The following PRDM1 variants were observed in gnomAD, a reference collection of about 807,000 sequenced individuals.
PRDM1 encodes PR domain zinc finger protein 1.
Under a neutral mutation model 62.8 loss-of-function variants are expected in PRDM1, and 13 were observed. The observed-to-expected ratio is 0.21, with a 90% confidence interval of 0.13 to 0.33. The LOEUF (loss-of-function observed/expected upper bound fraction) is 0.33. Among genes scored for constraint, PRDM1 ranks in the 10% least tolerant of loss-of-function variants. The pLI, the probability that PRDM1 is intolerant of heterozygous loss-of-function variation, is 1.00. For synonymous variants in PRDM1, 396 were observed against 417.6 expected, an observed-to-expected ratio of 0.95 and a Z score of 0.63; for missense variants, 895 against 1,058.8, an observed-to-expected ratio of 0.85 and a Z score of 2.15.
At chr6:106,012,748 G>A (rs751519028) in intron 1 of PRDM1, among the ~76,000 whole-genome samples, 15 of 152,220 alleles carry the variant, frequency 9.9e-5, no homozygotes, top group Admixed American at 3.3e-4. Context: ...CAGAAAACTC[G>A]GGAACTCTGA....
chr6:106,018,525 T>C (rs1023381307), intron 1 of PRDM1, among the ~76,000 whole-genome samples: 1 of 152,240 alleles, frequency 6.6e-6, no homozygotes, highest in African/African-American at 2.4e-5. Flanking sequence ...TTATGTTTAA[T>C]GGTCATGTTT....
chr6:106,088,440 C>A lies in PRDM1; in HGVS notation c.282C>A (p.Asn94Lys). 3.1e-6 allele frequency: 5 copies of A among 1,614,216 alleles called. No homozygotes were observed. Among genetic ancestry groups the A allele is most frequent in the Non-Finnish European group, 4.2e-6 (5 of 1,180,034 alleles). Residue 94 changes from asparagine (N) to lysine (K), a missense_variant, in exon 2 of 7, where the codon AAC (asparagine) becomes AAA (lysine). Coordinates refer to ENST00000369096, the MANE Select transcript of PRDM1 (RefSeq NM_001198.4). ...PRNLLFKYAT[N>K]SEEVIGVMSK... Reference sequence around the variant, plus strand: ...ATCTGCTTTTCAAGTATGCCACCAACAGTGAAGAGGTAAGCCTCTGGTTTA... The same window carrying A: ...ATCTGCTTTTCAAGTATGCCACCAAAAGTGAAGAGGTAAGCCTCTGGTTTA...
intron 1 of PRDM1, among the ~76,000 whole-genome samples, chr6:106,059,291 A>G (rs1012169558): frequency 1.3e-5 from 2 of 152,238 alleles, no homozygotes; most frequent in Non-Finnish European, 2.9e-5. Context: ...AGAGCTCTGT[A>G]GACCAAAAAA....
chr6:106,030,997 T>TC (rs1491400155), intron 1 of PRDM1, among the ~76,000 whole-genome samples: 1 of 1,546 alleles, frequency 6.5e-4, no homozygotes, highest in East Asian at 7.4e-3. Context: ...GTATTCTCTC[T>TC]TTTTTTTTTT....
intron 1 of PRDM1, among the ~76,000 whole-genome samples, chr6:106,033,733 G>A (rs1055206109): frequency 6.6e-6 from 1 of 151,764 alleles, no homozygotes; most frequent in African/African-American, 2.4e-5. Context: ...ACTAGCTTTG[G>A]TATCAGGATA....
intron 1 of PRDM1, among the ~76,000 whole-genome samples, chr6:106,070,371 T>G (rs1773493025): frequency 6.6e-6 from 1 of 152,234 alleles, no homozygotes; most frequent in South Asian, 2.1e-4. Flanking sequence ...ACCTCAAGCA[T>G]TCTTTCATAT....
chr6:106,021,380 G>A (rs1772694401), intron 1 of PRDM1, among the ~76,000 whole-genome samples: 1 of 152,202 alleles, frequency 6.6e-6, no homozygotes, highest in Non-Finnish European at 1.5e-5. Flanking sequence ...GAAGTGAGTG[G>A]CAGTGCAGAA....
chr6:106,023,550 T>G (rs1772726523), intron 1 of PRDM1, among the ~76,000 whole-genome samples: 1 of 152,202 alleles, frequency 6.6e-6, no homozygotes, highest in Admixed American at 6.5e-5. Context: ...CTTTACTAAA[T>G]TAGGCAATGG....
At chr6:106,064,282 G>C (rs1773391995) in intron 1 of PRDM1, among the ~76,000 whole-genome samples, 1 of 152,176 alleles carries the variant, frequency 6.6e-6, no homozygotes. Flanking sequence ...TGGCTTTTCT[G>C]TAAAATATCC....
At chr6:106,079,075 C>G (rs1172122729) in intron 1 of PRDM1, among the ~76,000 whole-genome samples, 1 of 151,922 alleles carries the variant, frequency 6.6e-6, no homozygotes, top group Non-Finnish European at 1.5e-5. Context: ...ATTCTCGTGT[C>G]TCAGCCTCCC....
chr6:106,007,951 G>A (rs923118565), intron 1 of PRDM1, among the ~76,000 whole-genome samples: 2 of 152,166 alleles, frequency 1.3e-5, no homozygotes, highest in Admixed American at 1.3e-4. Context: ...CTCAATGTTT[G>A]TTCCACGAAA....
In PRDM1 at chr6:106,007,379, G is replaced by A. The variant is rs555447139; in HGVS notation, c.-67+13740G>A. Among the ~76,000 whole-genome samples, 138 of 151,842 alleles carry A rather than the reference G, an allele frequency of 9.1e-4. 2 individuals are homozygous for A. Among genetic ancestry groups the A allele is most frequent in the Non-Finnish European group, 1.1e-3 (74 of 67,856 alleles). On this transcript the variant is annotated intron_variant, in intron 1 of 6. Transcript: ENST00000652320. Reference sequence around the variant, plus strand: ...TGGGAGGTGGAGGTTGCAGTGAGCCGAGATGGCGCCACTGCACTCCAGCCT... The same window carrying A: ...TGGGAGGTGGAGGTTGCAGTGAGCCAAGATGGCGCCACTGCACTCCAGCCT...
intron 1 of PRDM1, among the ~76,000 whole-genome samples, chr6:106,043,000 G>A (rs1773024421): frequency 6.6e-6 from 1 of 151,992 alleles, no homozygotes; most frequent in African/African-American, 2.4e-5. Context: ...ATAGGCATGT[G>A]CCACCACGCC....
At chr6:106,036,642 T>TGGA (rs781357024) in intron 1 of PRDM1, among the ~76,000 whole-genome samples, 6 of 151,934 alleles carry the variant, frequency 3.9e-5, no homozygotes, top group Non-Finnish European at 7.4e-5. Flanking sequence ...TTAAATCATG[T>TGGA]AGAAAACAAA....
chr6:106,105,739 C>T lies in PRDM1; in HGVS notation c.1579C>T (p.His527Tyr), dbSNP rs945524210. Reference sequence around the variant, plus strand: ...GGCGGGAACAGCCGCCACGGCAGAACATGTGGTGCAGCCCAAAGCTACCTC... The same window carrying T: ...GGCGGGAACAGCCGCCACGGCAGAATATGTGGTGCAGCCCAAAGCTACCTC... The part of the protein sequence containing the change: ...PTAGTAATAE[H>Y]VVQPKATSAA... The change falls in exon 5 of 7, where the codon CAT (histidine) becomes TAT (tyrosine). Residue 527 changes from histidine (H) to tyrosine (Y), a missense_variant. Around this residue, in one of 4 missense-constraint regions of PRDM1, gnomAD observed 444 missense variants for 422.7 expected, o/e 1.05. Transcript: ENST00000369096. 6.2e-7 allele frequency: 1 copy of T among 1,613,998 alleles called. No homozygotes were observed. Among genetic ancestry groups the T allele is most frequent in the African/African-American group, 1.3e-5 (1 of 74,930 alleles).
At chr6:106,058,023 AT>A (rs1426466062) in intron 1 of PRDM1, among the ~76,000 whole-genome samples, 3 of 152,158 alleles carry the variant, frequency 2.0e-5, no homozygotes, top group Non-Finnish European at 4.4e-5. Flanking sequence ...TAGGTTTACA[AT>A]TTTGAAATGC....
Position 106,106,847 on chromosome 6 carries a change from G to C in PRDM1, c.1903-64G>C. On this transcript the variant is annotated intron_variant, in intron 6 of 6. Coordinates refer to ENST00000369096, the MANE Select transcript of PRDM1 (RefSeq NM_001198.4). This position sits in a 1 kb window ranked among gnomAD's most constrained non-coding sequence, Gnocchi z 4.4. ...GCCGGTAAGCCTGCCCCTCCCGTTG[G>C]CAACTCTTAATCTTCTGGCCTTCCT... 6.7e-7 allele frequency: 1 copy of C among 1,501,724 alleles called. No homozygotes were observed. The highest frequency in any genetic ancestry group is 1.3e-5 in the South Asian group (1 of 79,852). The allele number at this position is 1,501,724 out of a possible 1,614,324, so 93.0% of individuals were successfully genotyped here.
intron 1 of PRDM1, among the ~76,000 whole-genome samples, chr6:106,008,473 C>G (rs1772506801): frequency 1.1e-5 from 1 of 92,372 alleles, no homozygotes; most frequent in African/African-American, 3.3e-5. Context: ...CCTTTCAGTA[C>G]CTGGGCACCA....
intron 1 of PRDM1, among the ~76,000 whole-genome samples, chr6:106,053,537 T>A (rs1773213084): frequency 6.6e-6 from 1 of 152,150 alleles, no homozygotes; most frequent in African/African-American, 2.4e-5. Flanking sequence ...TACATAAGTA[T>A]TCTATTGTAT....
Sources: gnomAD v4.1 joint callset for allele counts (sites outside exome capture counted in the v4.1 genomes callset) on GRCh38, gnomAD v4.1.1 for gene constraint, gnomAD v4.1.1 regional missense constraint, Gnocchi (gnomAD v3.1) non-coding constraint, MANE v1.5 for transcripts, NCBI Gene and HGNC (gene_info 2026-07-23, HGNC 2026-07-21) for gene names.